Variants in MLLT11 observed in about 807,000 individuals in gnomAD.
MLLT11 encodes MLLT11 transcription factor 7 cofactor.
Under a neutral mutation model 5.3 loss-of-function variants are expected in MLLT11, and 1 was observed. The observed-to-expected ratio is 0.19, with a 90% confidence interval of 0.07 to 0.89. The LOEUF (loss-of-function observed/expected upper bound fraction) is 0.89. Ranked by LOEUF, MLLT11 falls within the 40% of genes least tolerant of loss-of-function variation. MLLT11 has a pLI of 0.67. For synonymous variants in MLLT11, 38 were observed against 41.7 expected (o/e 0.91, Z 0.34); for missense variants, 87 against 107.3 (o/e 0.81, Z 0.83).
chr1:151,064,635 C>T (rs1031645741), intron 1 of MLLT11, among the ~76,000 whole-genome samples: 7 of 152,172 alleles, frequency 4.6e-5, no homozygotes, highest in South Asian at 2.1e-4. Context: ...GACTGAGGCA[C>T]GCATGGTGAG....
intron 1 of MLLT11, 41 bp from the exon 2 acceptor site, chr1:151,067,178 A>C (rs1571857957): frequency 1.9e-6 from 3 of 1,576,080 alleles, no homozygotes; most frequent in South Asian, 2.3e-5. Context: ...GCCACAAAGA[A>C]GTTGCTGTAG....
intron 1 of MLLT11, among the ~76,000 whole-genome samples, chr1:151,063,045 C>T (rs1442266666): frequency 6.6e-6 from 1 of 152,204 alleles, no homozygotes; most frequent in East Asian, 1.9e-4. Flanking sequence ...AGCAGCTTCT[C>T]TGCTGAGTAA....
intron 1 of MLLT11, among the ~76,000 whole-genome samples, chr1:151,062,010 C>T (rs1225756585): frequency 2.0e-5 from 3 of 151,176 alleles, no homozygotes; most frequent in Non-Finnish European, 1.5e-5. Context: ...TTTATACATA[C>T]TCTGGTTGTA....
Position 151,069,335 on chromosome 1 carries a change from GAA to G in MLLT11, c.*1844_*1845del, listed in dbSNP as rs1321308843. On this transcript the variant is annotated 3_prime_UTR_variant, in exon 2 of 2. Coordinates refer to ENST00000368921, the MANE Select transcript of MLLT11 (RefSeq NM_006818.4). Reference sequence around the variant, plus strand: ...GATCTAGAGAAGTCCCCAGGTGGGAGAAAAAAAGACAAATCCTCCCTCTAGGC... The same window carrying G: ...GATCTAGAGAAGTCCCCAGGTGGGAGAAAAAGACAAATCCTCCCTCTAGGC... Among the ~76,000 whole-genome samples, 1 of 151,998 alleles carries G rather than the reference GAA, an allele frequency of 6.6e-6. No individual in the cohort carries two copies.
chr1:151,067,426 G>A lies in MLLT11; in HGVS notation c.202G>A (p.Glu68Lys). 2 of 1,614,110 alleles carry A rather than the reference G, an allele frequency of 1.2e-6. No individual in the cohort carries two copies. Among genetic ancestry groups the A allele is most frequent in the Non-Finnish European group, 8.5e-7 (1 of 1,180,034 alleles). ...AAACCCTGAAGGTGATGGCCTCCTTGAGTACAGCACCTTCAACTTCTGGAG... is the reference window on the plus strand; with the variant it reads ...AAACCCTGAAGGTGATGGCCTCCTTAAGTACAGCACCTTCAACTTCTGGAG... ...EKNPEGDGLL[E>K]YSTFNFWRAP... The change falls in exon 2 of 2, where the codon GAG (glutamate) becomes AAG (lysine). Residue 68 changes from glutamate (E) to lysine (K), a missense_variant. By Grantham distance (56) the Glu-to-Lys change is moderately conservative. Coordinates refer to ENST00000368921, the MANE Select transcript of MLLT11 (RefSeq NM_006818.4).
At position 151,063,615 on chromosome 1, in the gene MLLT11, C is replaced by T. The variant is rs1051914027; in HGVS notation, c.-7+3062C>T. Among the ~76,000 whole-genome samples, 15 of 151,976 alleles carry T rather than the reference C, an allele frequency of 9.9e-5. 1 individual carries two copies. Among genetic ancestry groups the T allele is most frequent in the Admixed American group, 9.2e-4 (14 of 15,260 alleles). On this transcript the variant is annotated intron_variant, in intron 1 of 1. Coordinates refer to ENST00000368921, the MANE Select transcript of MLLT11 (RefSeq NM_006818.4). ...TTAATATTTGTACTTTTAGTAGAGA[C>T]GGGGTTTCACCGTGTTAGCCAGGAT...
intron 1 of MLLT11, 48 bp from the exon 2 acceptor site, chr1:151,067,171 A>C: frequency 6.4e-7 from 1 of 1,557,992 alleles, no homozygotes; most frequent in Middle Eastern, 1.7e-4. Context: ...GCCATGGGCC[A>C]CAAAGAAGTT....
In MLLT11 at chr1:151,067,595, T is replaced by G; in HGVS notation, c.*98T>G. On this transcript the variant is annotated 3_prime_UTR_variant, in exon 2 of 2. Transcript: ENST00000368921. ...TCCCATTTTAATCTTGTTCTCTCCC[T>G]ACTGTGTTGGTGGTGCTGATGAATC... is the stretch of plus-strand genomic sequence containing the variant. 1 of 1,333,970 alleles carries G rather than the reference T, an allele frequency of 7.5e-7. No homozygotes were observed. Among genetic ancestry groups the G allele is most frequent in the Non-Finnish European group, 1.0e-6 (1 of 955,986 alleles). The allele number at this position is 1,333,970 out of a possible 1,614,324, so 82.6% of individuals were successfully genotyped here. A position where few individuals can be genotyped will look rare whatever the true frequency, so the allele number is the denominator to read the frequency against.
intron 1 of MLLT11, among the ~76,000 whole-genome samples, chr1:151,065,800 C>A (rs771138255): frequency 3.3e-5 from 5 of 152,084 alleles, no homozygotes; most frequent in Non-Finnish European, 5.9e-5. Context: ...GCTAGGGGAA[C>A]GGGGGTTCCT....
intron 1 of MLLT11, among the ~76,000 whole-genome samples, chr1:151,062,193 T>C (rs587681681): frequency 6.6e-6 from 1 of 152,124 alleles, no homozygotes; most frequent in African/African-American, 2.4e-5. Context: ...AATACTGGTA[T>C]AGGGTTATAT....
chr1:151,065,362 T>G (rs183493542), intron 1 of MLLT11, among the ~76,000 whole-genome samples: 3 of 152,346 alleles, frequency 2.0e-5, no homozygotes, highest in Admixed American at 2.0e-4. Flanking sequence ...TGCCAAACCC[T>G]CAGGGACTAT....
At position 151,067,507 on chromosome 1, in the gene MLLT11, T is replaced by C. The variant is rs1035923911; in HGVS notation, c.*10T>C. 1.9e-6 allele frequency: 3 copies of C among 1,611,086 alleles called. No individual in the cohort carries two copies. The highest frequency in any genetic ancestry group is 1.7e-5 in the Admixed American group (1 of 59,910). ...ACTGGACTTGCTCTAAGGCCAAGAC[T>C]TCTCTCTCCCATCACCTTGCCCTCA... On this transcript the variant is annotated 3_prime_UTR_variant, in exon 2 of 2. Transcript: ENST00000368921.
At position 151,069,432 on chromosome 1, in the gene MLLT11, G is replaced by A. The variant is rs1016578408; in HGVS notation, c.*1935G>A. On this transcript the variant is annotated 3_prime_UTR_variant, in exon 2 of 2. Coordinates refer to ENST00000368921, the MANE Select transcript of MLLT11 (RefSeq NM_006818.4). ...TGGGGCCAGGAAGGATAAGTAGTGC[G>A]TCCTTTTCTATTTTTACTGAGTTTT... Among the ~76,000 whole-genome samples the A allele has an allele frequency of 6.6e-6, 1 of 152,190 alleles. No individual in the cohort carries two copies. The highest frequency in any genetic ancestry group is 2.4e-5 in the African/African-American group (1 of 41,442).
rs1044254272 is a variant in MLLT11, at chr1:151,068,681, G to A, written c.*1184G>A. On this transcript the variant is annotated 3_prime_UTR_variant, in exon 2 of 2. Coordinates refer to ENST00000368921, the MANE Select transcript of MLLT11 (RefSeq NM_006818.4). ...CTCACTGCAACCTCCACCCACCAGGGTCAAGGGATCCTCCCACCTCAGGCT... is the reference window on the plus strand; with the variant it reads ...CTCACTGCAACCTCCACCCACCAGGATCAAGGGATCCTCCCACCTCAGGCT... 2.0e-5 allele frequency among the ~76,000 whole-genome samples: 3 copies of A among 152,100 alleles called. No homozygotes were observed. Among genetic ancestry groups the A allele is most frequent in the Admixed American group, 6.6e-5 (1 of 15,258 alleles).
At chr1:151,062,973 T>TG (rs1262469171) in intron 1 of MLLT11, among the ~76,000 whole-genome samples, 4 of 152,202 alleles carry the variant, frequency 2.6e-5, no homozygotes, top group African/African-American at 9.7e-5. Flanking sequence ...CATAGGATGA[T>TG]GACCTCACCT....
Position 151,068,618 on chromosome 1 carries a change from CTG to C in MLLT11, c.*1123_*1124del, listed in dbSNP as rs1437350960. 2 of 168,934 alleles carry C rather than the reference CTG, an allele frequency of 1.2e-5. No homozygotes were observed. Among genetic ancestry groups the C allele is most frequent in the Non-Finnish European group, 2.6e-5 (2 of 77,548 alleles). The allele number at this position is 168,934 out of a possible 1,614,324, so 10.5% of individuals were successfully genotyped here. ...TTTATTTTTGAGACAGGGTCCCACT[CTG>C]TCACCCAGGCTGGAGTGCAGTGGCG... On this transcript the variant is annotated 3_prime_UTR_variant, in exon 2 of 2. Coordinates refer to ENST00000368921, the MANE Select transcript of MLLT11 (RefSeq NM_006818.4).
chr1:151,067,563 A>T lies in MLLT11; in HGVS notation c.*66A>T. On this transcript the variant is annotated 3_prime_UTR_variant, in exon 2 of 2. Coordinates refer to ENST00000368921, the MANE Select transcript of MLLT11 (RefSeq NM_006818.4). Reference sequence around the variant, plus strand: ...TTCCCTCTCAAGCCCCTTCCTTTCCACTCCTTTCCCATTTTAATCTTGTTC... The same window carrying T: ...TTCCCTCTCAAGCCCCTTCCTTTCCTCTCCTTTCCCATTTTAATCTTGTTC... 6.7e-7 allele frequency: 1 copy of T among 1,496,830 alleles called. No homozygotes were observed. The allele number at this position is 1,496,830 out of a possible 1,614,324, so 92.7% of individuals were successfully genotyped here.
chr1:151,061,986 T>C (rs1462634893), intron 1 of MLLT11, among the ~76,000 whole-genome samples: 1 of 152,172 alleles, frequency 6.6e-6, no homozygotes, highest in Non-Finnish European at 1.5e-5. Context: ...ACTCAGGGAC[T>C]GTTTGAGCAG....
At chr1:151,064,519 T>C (rs766177597) in intron 1 of MLLT11, among the ~76,000 whole-genome samples, 7 of 152,230 alleles carry the variant, frequency 4.6e-5, no homozygotes, top group Non-Finnish European at 1.0e-4. Flanking sequence ...GATTGGTCTT[T>C]ACCCTTGGGG....
Sources: allele counts gnomAD v4.1 joint callset (sites outside exome capture counted in the v4.1 genomes callset), GRCh38; gene constraint gnomAD v4.1.1; transcripts MANE v1.5; gene names NCBI Gene and HGNC (gene_info 2026-07-23, HGNC 2026-07-21).